Variants in KCTD8 observed in about 807,000 individuals in gnomAD.
The protein encoded by KCTD8 is potassium channel tetramerization domain containing 8.
Under a neutral mutation model 31.5 loss-of-function variants are expected in KCTD8, and 27 were observed. The ratio of observed to expected loss-of-function variants is 0.86; its 90% confidence interval spans 0.63 to 1.18. The LOEUF (loss-of-function observed/expected upper bound fraction) is 1.18. KCTD8 is among the 50% of genes most tolerant of loss of function. The pLI, the probability that KCTD8 is intolerant of heterozygous loss-of-function variation, is 0.00. For missense variants in KCTD8, 658 were observed against 647.7 expected (o/e 1.02, Z -0.17); for synonymous variants, 290 against 280.0 (o/e 1.04, Z -0.36).
intron 1 of KCTD8, among the ~76,000 whole-genome samples, chr4:44,198,213 G>A (rs1370989630): frequency 2.0e-5 from 3 of 152,124 alleles, no homozygotes; most frequent in Non-Finnish European, 2.9e-5. Flanking sequence ...GAGTGAATAA[G>A]CAATCTGAAA....
intron 1 of KCTD8, among the ~76,000 whole-genome samples, chr4:44,281,684 C>T (rs753832766): frequency 1.3e-5 from 2 of 152,056 alleles, no homozygotes; most frequent in Non-Finnish European, 1.5e-5. Flanking sequence ...AGAAATTAGT[C>T]TTGAAAATGT....
chr4:44,338,228 G>A (rs1275990694), intron 1 of KCTD8, among the ~76,000 whole-genome samples: 1 of 151,730 alleles, frequency 6.6e-6, no homozygotes, highest in Non-Finnish European at 1.5e-5. Flanking sequence ...ATTCCATAAT[G>A]GAAATACATC....
chr4:44,243,347 T>C (rs1553895556), intron 1 of KCTD8, among the ~76,000 whole-genome samples: 1 of 152,260 alleles, frequency 6.6e-6, no homozygotes, highest in African/African-American at 2.4e-5. Context: ...TTATATTTAC[T>C]GTAAATATAT....
intron 1 of KCTD8, among the ~76,000 whole-genome samples, chr4:44,413,493 C>A (rs1721005554): frequency 6.6e-6 from 1 of 152,092 alleles, no homozygotes; most frequent in African/African-American, 2.4e-5. Flanking sequence ...ATAACAGTAG[C>A]CGCTAAGAGT....
Position 44,448,694 on chromosome 4 carries a change from GC to G in KCTD8, c.-172del. On this transcript the variant is annotated 5_prime_UTR_variant, in exon 1 of 2. The change abolishes the stop of an existing upstream ORF in the 5' untranslated region. Transcript: ENST00000360029. This position sits in a 1 kb window ranked among gnomAD's most constrained non-coding sequence, Gnocchi z 4.1. ...GTTCGGGGCAGCGGCGGCGTCGGCG[GC>G]GCCCGAGCTCCATCGGAGGAGAGAC... The G allele has an allele frequency of 1.7e-6, 1 of 581,050 alleles. No homozygotes were observed. The highest frequency in any genetic ancestry group is 2.5e-6 in the Non-Finnish European group (1 of 393,428). 36.0% of individuals were successfully genotyped at this position (581,050 alleles called of 1,614,324 possible). A position where few individuals can be genotyped will look rare whatever the true frequency, so the allele number is the denominator to read the frequency against.
At chr4:44,422,231 T>G (rs1264123920) in intron 1 of KCTD8, among the ~76,000 whole-genome samples, 2 of 152,094 alleles carry the variant, frequency 1.3e-5, no homozygotes, top group Admixed American at 1.3e-4. Flanking sequence ...CTATCAAATT[T>G]TGTTGTTAGA....
intron 1 of KCTD8, among the ~76,000 whole-genome samples, chr4:44,250,142 T>A (rs1715783955): frequency 6.6e-6 from 1 of 151,834 alleles, no homozygotes; most frequent in African/African-American, 2.4e-5. Context: ...ATTATACATG[T>A]TCATGGGTGA....
rs1560458036 is a variant in KCTD8, at chr4:44,448,424, G to A, written c.100C>T (p.Pro34Ser). ...AAGGGCGAGGGTGCGCAGGGCCCCG[G>A]GGCGGCGGCGGCCGACGCGCCGGGC... ...SSPGASAAAA[P>S]GPCAPSPFPE... Residue 34 changes from proline to serine, a missense_variant, in exon 1 of 2, where the codon CCG becomes TCG. Physicochemically the swap from Pro to Ser is moderately conservative, Grantham distance 74 (BLOSUM62 -1). Coordinates refer to ENST00000360029, the MANE Select transcript of KCTD8 (RefSeq NM_198353.3). The surrounding 1 kb of genome is among the most constrained non-coding windows in gnomAD (Gnocchi z 4.1). 2 of 1,557,896 alleles carry A rather than the reference G, an allele frequency of 1.3e-6. No homozygotes were observed. Among genetic ancestry groups the A allele is most frequent in the Middle Eastern group, 1.8e-4 (1 of 5,610 alleles).
intron 1 of KCTD8, among the ~76,000 whole-genome samples, chr4:44,178,444 C>T (rs758926685): frequency 6.6e-6 from 1 of 151,902 alleles, no homozygotes; most frequent in Non-Finnish European, 1.5e-5. Flanking sequence ...AATTCAACAC[C>T]CTAATACAAC....
intron 1 of KCTD8, among the ~76,000 whole-genome samples, chr4:44,238,816 A>C (rs1715365099): frequency 6.6e-6 from 1 of 152,224 alleles, no homozygotes; most frequent in African/African-American, 2.4e-5. Flanking sequence ...ACAGGAATTA[A>C]CATAGTAGCA....
At chr4:44,217,942 C>T (rs1340564936) in intron 1 of KCTD8, among the ~76,000 whole-genome samples, 1 of 152,028 alleles carries the variant, frequency 6.6e-6, no homozygotes, top group Non-Finnish European at 1.5e-5. Flanking sequence ...TTTCAGATGG[C>T]TTACCATGGG....
At chr4:44,387,336 T>G (rs1212541731) in intron 1 of KCTD8, among the ~76,000 whole-genome samples, 1 of 151,810 alleles carries the variant, frequency 6.6e-6, no homozygotes, top group Non-Finnish European at 1.5e-5. Context: ...CCCATTAAAC[T>G]ACCACTGCCA....
intron 1 of KCTD8, among the ~76,000 whole-genome samples, chr4:44,205,340 C>A (rs1714270629): frequency 6.6e-6 from 1 of 152,178 alleles, no homozygotes; most frequent in South Asian, 2.1e-4. Flanking sequence ...TGAAACGTAC[C>A]TGTAGAAATT....
At chr4:44,180,969 C>G (rs1037423129) in intron 1 of KCTD8, among the ~76,000 whole-genome samples, 1 of 152,056 alleles carries the variant, frequency 6.6e-6, no homozygotes. Context: ...TTTTAGGGGT[C>G]AAGGATAATT....
chr4:44,342,882 C>T (rs371863775), intron 1 of KCTD8, among the ~76,000 whole-genome samples: 105 of 152,332 alleles, frequency 6.9e-4, no homozygotes, highest in African/African-American at 2.4e-3. Context: ...TCTTCTGCAA[C>T]CAGCTCGTCT....
chr4:44,237,463 A>T (rs1410466201), intron 1 of KCTD8, among the ~76,000 whole-genome samples: 1 of 152,194 alleles, frequency 6.6e-6, no homozygotes, highest in Non-Finnish European at 1.5e-5. Flanking sequence ...AGTGGCCTGT[A>T]GTTCTGAGTG....
intron 1 of KCTD8, among the ~76,000 whole-genome samples, chr4:44,285,749 G>A (rs1717046294): frequency 1.3e-5 from 2 of 152,080 alleles, no homozygotes; most frequent in South Asian, 2.1e-4. Flanking sequence ...AGATCAAGGA[G>A]TAATTCTGAT....
At chr4:44,307,013 G>A (rs1475912655) in intron 1 of KCTD8, among the ~76,000 whole-genome samples, 7 of 151,896 alleles carry the variant, frequency 4.6e-5, no homozygotes, top group South Asian at 2.1e-4. Context: ...CCTGACACTC[G>A]CCATCCAATA....
intron 1 of KCTD8, among the ~76,000 whole-genome samples, chr4:44,310,974 T>C (rs577522324): frequency 1.3e-5 from 2 of 152,094 alleles, no homozygotes; most frequent in African/African-American, 4.8e-5. Context: ...AATTGTTCCA[T>C]GCTTCTGCAA....
Sources: allele counts gnomAD v4.1 joint callset (sites outside exome capture counted in the v4.1 genomes callset), GRCh38; gene constraint gnomAD v4.1.1; non-coding constraint Gnocchi (gnomAD v3.1); transcripts MANE v1.5; gene names NCBI Gene and HGNC (gene_info 2026-07-23, HGNC 2026-07-21).